Variants in ASIC2 observed in about 807,000 individuals in gnomAD.
The protein encoded by ASIC2 is acid sensing ion channel subunit 2.
ASIC2 carries 25 observed loss-of-function variants against 57.3 expected under a neutral mutation model. That is an observed-to-expected ratio of 0.44 (90% CI 0.32 to 0.61). The LOEUF is 0.61. Among genes scored for constraint, ASIC2 ranks in the 20% least tolerant of loss-of-function variants. The probability of loss-of-function intolerance (pLI) is 0.06; values close to 1 mark genes in which losing one functional copy is unlikely to be tolerated. For missense variants in ASIC2, 641 were observed against 738.1 expected (o/e 0.87, Z 1.52); for synonymous variants, 319 against 307.5 (o/e 1.04, Z -0.39).
intron 1 of ASIC2, among the ~76,000 whole-genome samples, chr17:33,422,743 A>G (rs1911089501): frequency 6.6e-6 from 1 of 152,130 alleles, no homozygotes; most frequent in Non-Finnish European, 1.5e-5. Context: ...TGATCTCCAC[A>G]CCAGGATCTA....
At chr17:33,884,622 C>T (rs1270481943) in intron 1 of ASIC2, among the ~76,000 whole-genome samples, 1 of 152,080 alleles carries the variant, frequency 6.6e-6, no homozygotes, top group Non-Finnish European at 1.5e-5. Context: ...CCTGCTCTGC[C>T]TTACACTACC....
chr17:33,563,385 C>T (rs566173641), intron 1 of ASIC2, among the ~76,000 whole-genome samples: 1 of 152,154 alleles, frequency 6.6e-6, no homozygotes, highest in Non-Finnish European at 1.5e-5. Flanking sequence ...ACAGGATAAA[C>T]CGGGAATTAA....
At chr17:33,338,747 T>C (rs1377302501) in intron 1 of ASIC2, among the ~76,000 whole-genome samples, 1 of 151,994 alleles carries the variant, frequency 6.6e-6, no homozygotes, top group African/African-American at 2.4e-5. Flanking sequence ...ATTTCTTGGG[T>C]GGATAAGAGG....
In ASIC2 at chr17:33,162,224, G is replaced by A. The variant is rs1905183161; in HGVS notation, c.709-50157C>T. 3.9e-5 allele frequency among the ~76,000 whole-genome samples: 6 copies of A among 152,172 alleles called. No individual in the cohort carries two copies. In the South Asian group the frequency reaches 1.0e-3, roughly 26 times the overall value. ...TGCCCCTTGGAGGCTGTAACTCCTG[G>A]GGATACAGATACAATGAGCTCCTGA... On this transcript the variant is annotated intron_variant, in intron 1 of 9. Transcript: ENST00000225823.
intron 1 of ASIC2, among the ~76,000 whole-genome samples, chr17:33,852,088 A>G (rs1307557221): frequency 6.6e-6 from 1 of 152,204 alleles, no homozygotes; most frequent in African/African-American, 2.4e-5. Context: ...TGTCTTCTGC[A>G]TGTCAGACAG....
At chr17:34,125,762 T>C (rs1432070574) in intron 1 of ASIC2, among the ~76,000 whole-genome samples, 5 of 152,192 alleles carry the variant, frequency 3.3e-5, no homozygotes, top group African/African-American at 1.2e-4. Flanking sequence ...TGGGATTGTG[T>C]TCTCATGCCT....
intron 1 of ASIC2, among the ~76,000 whole-genome samples, chr17:33,485,698 AT>A (rs1383826807): frequency 1.1e-4 from 16 of 152,104 alleles, no homozygotes; most frequent in African/African-American, 3.9e-4. Context: ...GGGCCTCATC[AT>A]TTCAAGGAAC....
At chr17:33,813,630 G>T (rs748954530) in intron 1 of ASIC2, among the ~76,000 whole-genome samples, 1 of 152,116 alleles carries the variant, frequency 6.6e-6, no homozygotes, top group Non-Finnish European at 1.5e-5. Flanking sequence ...TAGAGACGGG[G>T]TTTCACCGTG....
At chr17:33,375,883 C>T (rs1909259802) in intron 1 of ASIC2, among the ~76,000 whole-genome samples, 1 of 151,912 alleles carries the variant, frequency 6.6e-6, no homozygotes, top group Non-Finnish European at 1.5e-5. Flanking sequence ...TGAGTAGCAG[C>T]TAACTAAGGT....
chr17:33,784,199 C>A (rs939611176), intron 1 of ASIC2, among the ~76,000 whole-genome samples: 6 of 152,218 alleles, frequency 3.9e-5, no homozygotes, highest in Non-Finnish European at 8.8e-5. Context: ...TCATCATACC[C>A]AGTCCTGTTT....
At chr17:33,229,719 C>G (rs537733391) in intron 1 of ASIC2, among the ~76,000 whole-genome samples, 1 of 152,266 alleles carries the variant, frequency 6.6e-6, no homozygotes, top group Non-Finnish European at 1.5e-5. Flanking sequence ...ATAGACGTCT[C>G]CTTGTTGCTG....
chr17:33,191,156 A>G (rs1488467179), intron 1 of ASIC2, among the ~76,000 whole-genome samples: 1 of 152,224 alleles, frequency 6.6e-6, no homozygotes, highest in Non-Finnish European at 1.5e-5. Flanking sequence ...AAAAAGGAAT[A>G]AACAACTGAC....
chr17:33,464,593 TTCTC>T (rs370585556), intron 1 of ASIC2, among the ~76,000 whole-genome samples: 1,559 of 146,224 alleles, frequency 0.011, 23 homozygotes, highest in African/African-American at 0.018. Context: ...ATCTCTTTCT[TTCTC>T]TCTTTCTTCC....
At chr17:33,969,983 C>T (rs1905180467) in intron 1 of ASIC2, among the ~76,000 whole-genome samples, 1 of 152,188 alleles carries the variant, frequency 6.6e-6, no homozygotes, top group South Asian at 2.1e-4. Flanking sequence ...TTACACCACA[C>T]AGCTGCCGGT....
At chr17:33,349,804 C>A (rs1272523766) in intron 1 of ASIC2, among the ~76,000 whole-genome samples, 1 of 152,116 alleles carries the variant, frequency 6.6e-6, no homozygotes, top group Non-Finnish European at 1.5e-5. Flanking sequence ...TTGAAGAAAA[C>A]ACATTCCTGG....
At chr17:33,083,550 A>G (rs908727536) in intron 3 of ASIC2, among the ~76,000 whole-genome samples, 6 of 152,238 alleles carry the variant, frequency 3.9e-5, no homozygotes, top group African/African-American at 1.4e-4. Flanking sequence ...AGGTGGCAGG[A>G]TAAGACAGCA....
intron 1 of ASIC2, among the ~76,000 whole-genome samples, chr17:33,142,856 T>C (rs1437856600): frequency 6.6e-6 from 1 of 152,184 alleles, no homozygotes; most frequent in Non-Finnish European, 1.5e-5. Context: ...ATGTATCCCG[T>C]AGATGGTAAA....
intron 1 of ASIC2, among the ~76,000 whole-genome samples, chr17:33,188,599 G>T (rs947338705): frequency 1.3e-5 from 2 of 152,036 alleles, no homozygotes; most frequent in African/African-American, 4.8e-5. Flanking sequence ...GAGGAACAAA[G>T]ATAAAAATGA....
chr17:33,706,333 C>T (rs1306580286), intron 1 of ASIC2, among the ~76,000 whole-genome samples: 1 of 151,846 alleles, frequency 6.6e-6, no homozygotes, highest in Non-Finnish European at 1.5e-5. Context: ...CATCCTCCCA[C>T]CTCAGCCTCC....
Sources: gnomAD v4.1 joint callset for allele counts (sites outside exome capture counted in the v4.1 genomes callset) on GRCh38, gnomAD v4.1.1 for gene constraint, MANE v1.5 for transcripts, NCBI Gene and HGNC (gene_info 2026-07-23, HGNC 2026-07-21) for gene names.